CD8B: variants seen among roughly 807,000 people sequenced by gnomAD.
CD8B encodes CD8 subunit beta, also known as T-cell surface glycoprotein CD8 beta chain.
A neutral mutation model predicts 24.2 loss-of-function variants in CD8B; 6 were observed. The observed-to-expected ratio is 0.25, with a 90% CI of 0.14 to 0.49. The LOEUF is 0.49. Ranked by LOEUF, CD8B falls within the 20% of genes least tolerant of loss-of-function variation. CD8B has a pLI of 0.98. For synonymous variants in CD8B, 84 were observed against 108.3 expected (o/e 0.78, Z 1.39); for missense variants, 196 against 271.3 (o/e 0.72, Z 1.95).
At chr2:86,842,988 G>A (rs969807781) in intron 5 of CD8B, among the ~76,000 whole-genome samples, 2 of 152,178 alleles carry the variant, frequency 1.3e-5, no homozygotes, top group African/African-American at 4.8e-5. Context: ...AGATCACTGG[G>A]GAGCAAGTTA....
intron 3 of CD8B, among the ~76,000 whole-genome samples, chr2:86,851,802 A>C (rs1675988274): frequency 6.6e-6 from 1 of 152,154 alleles, no homozygotes; most frequent in Admixed American, 6.5e-5. Flanking sequence ...TGATGGGTTT[A>C]AGGAAAACGT....
At chr2:86,823,637 A>G (rs926128881) in intron 5 of CD8B, among the ~76,000 whole-genome samples, 16 of 152,302 alleles carry the variant, frequency 1.1e-4, no homozygotes, top group African/African-American at 3.4e-4. Context: ...ATTTGTTTTC[A>G]TTGTAAACAT....
downstream of CD8B, among the ~76,000 whole-genome samples, chr2:86,833,577 C>T (rs1304565462): frequency 1.4e-5 from 2 of 140,008 alleles, no homozygotes; most frequent in East Asian, 4.3e-4. Flanking sequence ...TCTCTCCCTC[C>T]CTTTCTCTCT....
chr2:86,859,289 G>T lies in CD8B; in HGVS notation c.44-873C>A, dbSNP rs1408881749. Among the ~76,000 whole-genome samples the T allele has an allele frequency of 9.6e-4, 146 of 152,202 alleles. 1 individual carries two copies. The highest frequency in any genetic ancestry group is 4.6e-4 in the Non-Finnish European group (31 of 68,010). On this transcript the variant is annotated intron_variant, in intron 1 of 5. Transcript: ENST00000390655. ...GAAGGACAGACACCACAGAAGCAGG[G>T]CTGGGAGTTCATCTTAGACTCTGAC...
intron 5 of CD8B, among the ~76,000 whole-genome samples, chr2:86,828,585 C>A (rs545688669): frequency 2.6e-5 from 4 of 152,112 alleles, no homozygotes; most frequent in South Asian, 2.1e-4. Context: ...GATGGCCAGC[C>A]TATGATATTC....
Position 86,829,019 on chromosome 2 carries a change from G to T in CD8B, c.621-13301C>A, listed in dbSNP as rs537671651. Among the ~76,000 whole-genome samples, 3 of 148,412 alleles carry T rather than the reference G, an allele frequency of 2.0e-5. No individual in the cohort carries two copies. The Admixed American group carries it at 2.0e-4, about 10-fold the overall frequency. ...AGTACTGCACATGCATAAACAAGAC[G>T]ATAAAGATCACTTGTAATCTGCCCC... is the stretch of plus-strand genomic sequence containing the variant. On this transcript the variant is annotated intron_variant, in intron 5 of 5. Coordinates refer to the CD8B transcript ENST00000331469.
chr2:86,828,887 T>C (rs1674793071), intron 5 of CD8B, among the ~76,000 whole-genome samples: 1 of 152,082 alleles, frequency 6.6e-6, no homozygotes. Flanking sequence ...AGTAATTTGT[T>C]TCTTGTCATT....
chr2:86,842,163 G>A lies in CD8B; in HGVS notation c.*144C>T. On this transcript the variant is annotated 3_prime_UTR_variant, in exon 6 of 6. Coordinates refer to ENST00000390655, the MANE Select transcript of CD8B (RefSeq NM_004931.5). Reference sequence around the variant, plus strand: ...CTCCCATGCACATCACACACAGAAAGGCCTTGCAGCAGTGAAAAGCAGGCA... The same window carrying A: ...CTCCCATGCACATCACACACAGAAAAGCCTTGCAGCAGTGAAAAGCAGGCA... The A allele has an allele frequency of 5.4e-6, 8 of 1,487,812 alleles. No individual in the cohort carries two copies. The highest frequency in any genetic ancestry group is 7.1e-6 in the Non-Finnish European group (8 of 1,119,854). 92.2% of individuals were successfully genotyped at this position (1,487,812 alleles called of 1,614,324 possible).
rs1240395094 is a variant in CD8B at position 86,815,761 on chromosome 2, G to A, written c.621-43C>T. On this transcript the variant is annotated intron_variant, in intron 5 of 5. Coordinates refer to the CD8B transcript ENST00000331469. ...AAGAGAGTCTCAATACATGCACCAAGTCAAGGTGTTGGTTACTTATTAAGT... is the reference window on the plus strand; with the variant it reads ...AAGAGAGTCTCAATACATGCACCAAATCAAGGTGTTGGTTACTTATTAAGT... 5 of 1,036,582 alleles carry A rather than the reference G, an allele frequency of 4.8e-6. No homozygotes were observed. In the Admixed American group the frequency reaches 8.7e-5, roughly 18 times the overall value. 64.2% of individuals were successfully genotyped at this position (1,036,582 alleles called of 1,614,324 possible). A position where few individuals can be genotyped will look rare whatever the true frequency, so the allele number is the denominator to read the frequency against.
At chr2:86,857,293 CT>C (rs1246849510) in intron 2 of CD8B, among the ~76,000 whole-genome samples, 2 of 152,172 alleles carry the variant, frequency 1.3e-5, no homozygotes, top group East Asian at 3.8e-4. Context: ...CAGTGAGGGC[CT>C]CCTTTCCCTG....
intron 5 of CD8B, chr2:86,815,779 T>C (rs1674218636): frequency 1.1e-6 from 1 of 901,828 alleles, no homozygotes; most frequent in African/African-American, 1.6e-5. Context: ...GTTGGTTACT[T>C]ATTAAGTAAT....
downstream of CD8B, among the ~76,000 whole-genome samples, chr2:86,836,144 G>C (rs545600966): frequency 4.1e-4 from 63 of 152,258 alleles, no homozygotes; most frequent in African/African-American, 1.4e-3. Context: ...GGGGGAGCCA[G>C]CAGGGGAGGT....
intron 5 of CD8B, among the ~76,000 whole-genome samples, chr2:86,827,653 A>T (rs1331099550): frequency 6.6e-6 from 1 of 152,054 alleles, no homozygotes; most frequent in African/African-American, 2.4e-5. Context: ...GGGTAGACAA[A>T]TATGGGGCAG....
chr2:86,848,794 G>A (rs1263946280), intron 3 of CD8B, among the ~76,000 whole-genome samples: 1 of 150,428 alleles, frequency 6.6e-6, no homozygotes, highest in African/African-American at 2.5e-5. Context: ...TGGACTCACC[G>A]CAACCTCTGC....
rs1322382475 is a variant in CD8B at position 86,852,982 on chromosome 2, G to T, written c.493+15C>A. 1 of 1,511,220 alleles carries T rather than the reference G, an allele frequency of 6.6e-7. No homozygotes were observed. Among genetic ancestry groups the T allele is most frequent in the Non-Finnish European group, 8.9e-7 (1 of 1,119,708 alleles). 93.6% of individuals were successfully genotyped at this position (1,511,220 alleles called of 1,614,324 possible). On this transcript the variant is annotated intron_variant, in intron 3 of 5. Transcript: ENST00000390655. ...CTGCCTTGTTTCTGAGGGTGCAGAGGGATAGGGAACTCACCCTTCTGGGTC... is the reference window on the plus strand; with the variant it reads ...CTGCCTTGTTTCTGAGGGTGCAGAGTGATAGGGAACTCACCCTTCTGGGTC...
chr2:86,830,022 A>T (rs1290996915), intron 5 of CD8B, among the ~76,000 whole-genome samples: 1 of 152,090 alleles, frequency 6.6e-6, no homozygotes, highest in Non-Finnish European at 1.5e-5. Context: ...CCTTGCATGG[A>T]TGTATTCTCA....
At chr2:86,828,688 G>T (rs1674786503) in intron 5 of CD8B, among the ~76,000 whole-genome samples, 1 of 152,124 alleles carries the variant, frequency 6.6e-6, no homozygotes, top group Non-Finnish European at 1.5e-5. Context: ...AAAATCATGT[G>T]CCTTTTTAAG....
chr2:86,820,290 G>C (rs1042587105), intron 5 of CD8B, among the ~76,000 whole-genome samples: 1 of 152,230 alleles, frequency 6.6e-6, no homozygotes, highest in African/African-American at 2.4e-5. Context: ...CTATCAAACA[G>C]CATCGCATGC....
rs929191870 is a variant in CD8B at position 86,840,664 on chromosome 2, C to T, written c.*1643G>A. ...TCCTACCATGTGGAGTGCTTTCTCACTTCAATAAATTCTTCCTTTTGCTGC... is the reference window on the plus strand; with the variant it reads ...TCCTACCATGTGGAGTGCTTTCTCATTTCAATAAATTCTTCCTTTTGCTGC... On this transcript the variant is annotated 3_prime_UTR_variant, in exon 6 of 6. Transcript: ENST00000390655. 5.3e-5 allele frequency among the ~76,000 whole-genome samples: 8 copies of T among 152,212 alleles called. No homozygotes were observed. The highest frequency in any genetic ancestry group is 1.2e-4 in the Non-Finnish European group (8 of 68,034).
Sources: gnomAD v4.1 joint callset for allele counts (sites outside exome capture counted in the v4.1 genomes callset) on GRCh38, gnomAD v4.1.1 for gene constraint, MANE v1.5 for transcripts, NCBI Gene and HGNC (gene_info 2026-07-23, HGNC 2026-07-21) for gene names.